The following DIS3L2 variants were observed in gnomAD, a reference collection of about 807,000 sequenced individuals.
The protein encoded by DIS3L2 is DIS3 like 3'-5' exoribonuclease 2, also known as DIS3-like exonuclease 2.
DIS3L2 carries 34 observed loss-of-function variants against 97.5 expected under a neutral mutation model. The observed-to-expected ratio is 0.35, with a 90% CI of 0.27 to 0.46. The LOEUF is 0.46. Ranked by LOEUF, DIS3L2 falls within the 20% of genes least tolerant of loss-of-function variation. The pLI is 1.00. For synonymous variants in DIS3L2, 435 were observed against 445.2 expected (o/e 0.98, Z 0.29); for missense variants, 1,038 against 1,146.0 (o/e 0.91, Z 1.36).
At chr2:232,017,813 G>A (rs1390027635) in intron 3 of DIS3L2, among the ~76,000 whole-genome samples, 1 of 152,282 alleles carries the variant, frequency 6.6e-6, no homozygotes, top group East Asian at 1.9e-4. Flanking sequence ...ACTTTGAGAA[G>A]CCTCATTTTA....
chr2:232,185,592 T>C (rs887231653), intron 9 of DIS3L2, among the ~76,000 whole-genome samples: 1 of 152,162 alleles, frequency 6.6e-6, no homozygotes, highest in Admixed American at 6.5e-5. Flanking sequence ...CCCAGCACTT[T>C]GGAAGGCCTA....
chr2:231,980,895 G>T (rs373998056), intron 1 of DIS3L2, among the ~76,000 whole-genome samples: 1 of 152,096 alleles, frequency 6.6e-6, no homozygotes, highest in South Asian at 2.1e-4. Context: ...TCAGCCTCCT[G>T]AATAGCTGGG....
chr2:232,060,379 A>C (rs1016448818), intron 5 of DIS3L2, among the ~76,000 whole-genome samples: 1 of 152,098 alleles, frequency 6.6e-6, no homozygotes, highest in Non-Finnish European at 1.5e-5. Flanking sequence ...TCTTAGATTT[A>C]AGTTTTTAAT....
intron 9 of DIS3L2, among the ~76,000 whole-genome samples, chr2:232,172,087 A>G (rs1036792500): frequency 2.0e-5 from 3 of 152,238 alleles, no homozygotes; most frequent in African/African-American, 7.2e-5. Context: ...TAGATGGTCT[A>G]AGATTTGGAA....
chr2:232,167,219 T>G (rs888943222), intron 9 of DIS3L2, among the ~76,000 whole-genome samples: 10 of 152,190 alleles, frequency 6.6e-5, no homozygotes, highest in Admixed American at 6.5e-5. Flanking sequence ...TTACCACTAA[T>G]GCTTGTCTTT....
At chr2:232,083,924 C>A (rs1411072736) in intron 5 of DIS3L2, among the ~76,000 whole-genome samples, 1 of 152,140 alleles carries the variant, frequency 6.6e-6, no homozygotes, top group Non-Finnish European at 1.5e-5. Context: ...AACCATTAAA[C>A]CCGAGATTGT....
chr2:232,015,804 C>T (rs1694339979), intron 3 of DIS3L2, 133 bp downstream of exon 3: 1 of 963,940 alleles, frequency 1.0e-6, no homozygotes, highest in African/African-American at 1.6e-5. Context: ...GTTATGATGG[C>T]ATAACAGAGA....
chr2:231,981,937 G>A (rs1693275824), intron 1 of DIS3L2, among the ~76,000 whole-genome samples: 1 of 151,482 alleles, frequency 6.6e-6, no homozygotes, highest in Non-Finnish European at 1.5e-5. Flanking sequence ...GGGAGGCTGA[G>A]GCATGAGAAT....
At chr2:232,171,132 A>G (rs1322693276) in intron 9 of DIS3L2, among the ~76,000 whole-genome samples, 1 of 152,180 alleles carries the variant, frequency 6.6e-6, no homozygotes, top group Non-Finnish European at 1.5e-5. Flanking sequence ...AATCTGGGGA[A>G]GTGGAGAGCC....
At chr2:232,125,086 C>G (rs539895971) in intron 6 of DIS3L2, among the ~76,000 whole-genome samples, 5 of 152,306 alleles carry the variant, frequency 3.3e-5, no homozygotes, top group Admixed American at 2.6e-4. Flanking sequence ...TTTGCACGCT[C>G]TCTTCTCCCT....
intron 8 of DIS3L2, among the ~76,000 whole-genome samples, chr2:232,144,422 A>G (rs571844662): frequency 1.3e-5 from 2 of 152,164 alleles, no homozygotes; most frequent in East Asian, 3.9e-4. Flanking sequence ...ATCTTTCCAT[A>G]TACTCATGGT....
chr2:232,210,262 A>G, intron 9 of DIS3L2, 64 bp from the exon 10 acceptor site: 2 of 1,278,768 alleles, frequency 1.6e-6, no homozygotes, highest in South Asian at 2.4e-5. Context: ...TTAAAGCTGT[A>G]CTATGGTGGG....
chr2:232,164,757 A>G (rs868776454), intron 9 of DIS3L2, among the ~76,000 whole-genome samples: 14 of 152,104 alleles, frequency 9.2e-5, no homozygotes, highest in African/African-American at 3.1e-4. Flanking sequence ...CCCATATTGC[A>G]TTGCTGGATT....
At chr2:232,296,019 C>A (rs1694718350) in intron 13 of DIS3L2, among the ~76,000 whole-genome samples, 1 of 152,228 alleles carries the variant, frequency 6.6e-6, no homozygotes, top group Non-Finnish European at 1.5e-5. Context: ...AGGTTACAAT[C>A]TTGCTTATAA....
chr2:232,086,659 A>ATATATATGTGTATATATATATATGTG (rs1553606035), intron 5 of DIS3L2, among the ~76,000 whole-genome samples: 17 of 92,508 alleles, frequency 1.8e-4, no homozygotes, highest in East Asian at 6.1e-4. Context: ...ATATATATAT[A>ATATATATGTGTATATATATATATGTG]TGTGTGTGTG....
intron 6 of DIS3L2, among the ~76,000 whole-genome samples, chr2:232,118,513 A>G (rs929364861): frequency 6.6e-6 from 1 of 152,126 alleles, no homozygotes; most frequent in East Asian, 1.9e-4. Flanking sequence ...TTCTCATGTA[A>G]CCGTTTTTGC....
At chr2:232,134,871 G>A (rs573240385) in intron 7 of DIS3L2, among the ~76,000 whole-genome samples, 1,499 of 149,686 alleles carry the variant, frequency 0.01, 9 homozygotes, top group African/African-American at 0.02. Context: ...TTGTGTGTGC[G>A]CACACACACA....
intron 1 of DIS3L2, among the ~76,000 whole-genome samples, chr2:231,980,812 T>A (rs1301246610): frequency 6.6e-6 from 1 of 152,222 alleles, no homozygotes; most frequent in South Asian, 2.1e-4. Flanking sequence ...CTTTATAGTA[T>A]TGAGTCTTTT....
Position 232,283,874 on chromosome 2 carries a change from G to A in DIS3L2, c.1660-16166G>A, listed in dbSNP as rs1023101169. On this transcript the variant is annotated intron_variant, in intron 13 of 20. Coordinates refer to ENST00000325385, the MANE Select transcript of DIS3L2 (RefSeq NM_152383.5). ...TGCCATGGCAGTTACACAAATGTAC[G>A]TGTGTGACCAAAATGGCATAAAACT... Among the ~76,000 whole-genome samples, 9 of 152,226 alleles carry A rather than the reference G, an allele frequency of 5.9e-5. No individual in the cohort carries two copies. The South Asian group carries it at 6.2e-4, about 11-fold the overall frequency.
Sources: allele counts gnomAD v4.1 joint callset (sites outside exome capture counted in the v4.1 genomes callset), GRCh38; gene constraint gnomAD v4.1.1; transcripts MANE v1.5; gene names NCBI Gene and HGNC (gene_info 2026-07-23, HGNC 2026-07-21).